Variants in PKHD1 observed in about 807,000 individuals in gnomAD.
The protein encoded by PKHD1 is fibrocystin.
PKHD1 carries 291 observed loss-of-function variants against 412.0 expected under a neutral mutation model. The ratio of observed to expected loss-of-function variants is 0.71; its 90% CI spans 0.64 to 0.78. The LOEUF is 0.78. PKHD1 is among the 30% of genes least tolerant of loss of function. PKHD1 has a pLI of 0.00. For synonymous variants in PKHD1, 1,777 were observed against 1,821.5 expected (o/e 0.98, Z 0.62); for missense variants, 4,825 against 4,950.7 (o/e 0.97, Z 0.76).
chr6:51,650,586 C>T (rs929971293), intron 61 of PKHD1, among the ~76,000 whole-genome samples: 1 of 152,006 alleles, frequency 6.6e-6, no homozygotes, highest in Admixed American at 6.6e-5. Context: ...GGGTGCATGT[C>T]AGGAAAAAGT....
chr6:51,927,148 C>T (rs750968982), intron 37 of PKHD1, among the ~76,000 whole-genome samples: 5 of 152,094 alleles, frequency 3.3e-5, no homozygotes, highest in Non-Finnish European at 7.4e-5. Context: ...ATCCTCCTTC[C>T]TTCCCAGTCC....
intron 35 of PKHD1, among the ~76,000 whole-genome samples, chr6:51,996,093 C>T (rs1797680089): frequency 6.6e-6 from 1 of 151,762 alleles, no homozygotes; most frequent in African/African-American, 2.4e-5. Context: ...GCAAGCTCCA[C>T]CTCCTGGGTT....
chr6:51,792,909 A>G (rs1479449819), intron 52 of PKHD1, among the ~76,000 whole-genome samples: 2 of 152,194 alleles, frequency 1.3e-5, no homozygotes, highest in Admixed American at 1.3e-4. Context: ...CAAATTATAT[A>G]CATACATTAT....
At chr6:51,965,207 A>G (rs1445738240) in intron 35 of PKHD1, among the ~76,000 whole-genome samples, 2 of 152,160 alleles carry the variant, frequency 1.3e-5, no homozygotes, top group Non-Finnish European at 2.9e-5. Context: ...TTAGAAAAAT[A>G]CAAATAGCCA....
At position 51,677,592 on chromosome 6, in the gene PKHD1, T is replaced by C. The variant is rs1360027104; in HGVS notation, c.10157-17623A>G. Among the ~76,000 whole-genome samples the C allele has an allele frequency of 2.6e-5, 4 of 152,246 alleles. No homozygotes were observed. The East Asian group carries it at 5.8e-4, about 22-fold the overall frequency. ...CCATGAGGACGCACTTCCAAATTAA[T>C]ACAAGAAAAACGGAAAACTACATAA... On this transcript the variant is annotated intron_variant, in intron 60 of 66. Transcript: ENST00000371117.
intron 60 of PKHD1, among the ~76,000 whole-genome samples, chr6:51,674,161 C>G (rs1775463077): frequency 6.6e-6 from 1 of 152,164 alleles, no homozygotes; most frequent in African/African-American, 2.4e-5. Context: ...ATGGGATGCT[C>G]TGGTATACTG....
At chr6:51,867,793 A>C (rs573515611) in intron 48 of PKHD1, 70 bp downstream of exon 48, 2 of 1,399,196 alleles carry the variant, frequency 1.4e-6, no homozygotes, top group Admixed American at 3.4e-5. Context: ...TCCCTTCTAT[A>C]AGCCTCGACA....
intron 64 of PKHD1, among the ~76,000 whole-genome samples, chr6:51,633,880 C>T (rs1190249006): frequency 6.6e-6 from 1 of 152,042 alleles, no homozygotes; most frequent in African/African-American, 2.4e-5. Flanking sequence ...TTTTAAAGTA[C>T]ATTCATTTTA....
intron 49 of PKHD1, among the ~76,000 whole-genome samples, chr6:51,853,576 A>G (rs894961242): frequency 1.3e-5 from 2 of 152,204 alleles, no homozygotes; most frequent in Non-Finnish European, 2.9e-5. Context: ...TCATAGGTTC[A>G]GTCTTTTTAT....
chr6:51,710,686 C>A (rs901674568), intron 60 of PKHD1, among the ~76,000 whole-genome samples: 4 of 152,088 alleles, frequency 2.6e-5, no homozygotes, highest in African/African-American at 9.6e-5. Flanking sequence ...AATATACACT[C>A]AATACTCAAT....
Position 52,056,914 on chromosome 6 carries a change from G to C in PKHD1, c.1578C>G (p.Ile526Met). ...CCAGATGGGCTGTGGCATTTGCAGGGATTGGCTGACTAGAGACATTGTCCC... is the reference window on the plus strand; with the variant it reads ...CCAGATGGGCTGTGGCATTTGCAGGCATTGGCTGACTAGAGACATTGTCCC... ...LTWDNVSSQP[I>M]PANATAHLIQ... Residue 526 changes from isoleucine to methionine, a missense_variant, in exon 17 of 67, where the codon ATC becomes ATG. Transcript: ENST00000371117. 1 of 1,613,730 alleles carries C rather than the reference G, an allele frequency of 6.2e-7. No individual in the cohort carries two copies. The highest frequency in any genetic ancestry group is 8.5e-7 in the Non-Finnish European group (1 of 1,179,654).
At chr6:51,841,947 A>AT (rs894888376) in intron 50 of PKHD1, among the ~76,000 whole-genome samples, 23 of 152,318 alleles carry the variant, frequency 1.5e-4, no homozygotes, top group African/African-American at 4.8e-4. Context: ...AGCACTCCTG[A>AT]TTTTTTAGGC....
chr6:51,659,316 G>C lies in PKHD1; in HGVS notation c.10810C>G (p.His3604Asp). 6.2e-7 allele frequency: 1 copy of C among 1,613,778 alleles called. No homozygotes were observed. Among genetic ancestry groups the C allele is most frequent in the Non-Finnish European group, 8.5e-7 (1 of 1,179,870 alleles). ...QIRFIHEMPGHEETLKAIADS... is the reference protein window; with the variant it reads ...QIRFIHEMPGDEETLKAIADS... ...GCAATGGCCTTTAAGGTCTCTTCAT[G>C]GCCAGGCATCTCGTGAATAAACCTG... is the stretch of plus-strand genomic sequence containing the variant. Residue 3604 changes from histidine to aspartate, a missense_variant, in exon 61 of 67, where the codon CAT (histidine) becomes GAT (aspartate). His to Asp is a moderately conservative substitution (Grantham distance 81, BLOSUM62 -1). Transcript: ENST00000371117.
At chr6:51,757,181 T>C (rs564374329) in intron 55 of PKHD1, among the ~76,000 whole-genome samples, 1 of 152,280 alleles carries the variant, frequency 6.6e-6, no homozygotes, top group South Asian at 2.1e-4. Flanking sequence ...ACAATCTTTT[T>C]ATTATTATTT....
Position 51,856,000 on chromosome 6 carries a change from A to G in PKHD1, c.7804T>C (p.Tyr2602His), listed in dbSNP as rs558537261. Residue 2602 changes from tyrosine to histidine, a missense_variant, in exon 49 of 67, where the codon TAT becomes CAT. Physicochemically the swap from Tyr to His is moderately conservative, Grantham distance 83 (BLOSUM62 2). Transcript: ENST00000371117. ...DSRNKTTTVN[Y>H]VRDTLSNPRG... Reference sequence around the variant, plus strand: ...GGGTTAGACAATGTATCACGTACATAATTGACAGTGGTTGTTTTATTTCTG... The same window carrying G: ...GGGTTAGACAATGTATCACGTACATGATTGACAGTGGTTGTTTTATTTCTG... 6.2e-7 allele frequency: 1 copy of G among 1,608,882 alleles called. No homozygotes were observed. Among genetic ancestry groups the G allele is most frequent in the South Asian group, 1.1e-5 (1 of 90,900 alleles).
At chr6:51,946,031 G>T (rs888687222) in intron 36 of PKHD1, among the ~76,000 whole-genome samples, 4 of 152,144 alleles carry the variant, frequency 2.6e-5, no homozygotes, top group Non-Finnish European at 5.9e-5. Context: ...TTCCAAAAAG[G>T]ATTTGAAACA....
chr6:51,660,639 A>G (rs1772683697), intron 60 of PKHD1, among the ~76,000 whole-genome samples: 1 of 152,106 alleles, frequency 6.6e-6, no homozygotes, highest in African/African-American at 2.4e-5. Context: ...TCAGGGAAAC[A>G]TTTACTTATG....
At chr6:51,997,925 C>T (rs1172584943) in intron 35 of PKHD1, among the ~76,000 whole-genome samples, 5 of 152,146 alleles carry the variant, frequency 3.3e-5, no homozygotes, top group Admixed American at 6.5e-5. Flanking sequence ...GAATGTAAAT[C>T]CAGTTCTGAT....
chr6:51,631,267 GAAAAACAAAAA>G (rs777918580), intron 65 of PKHD1, among the ~76,000 whole-genome samples: 27 of 152,090 alleles, frequency 1.8e-4, no homozygotes, highest in Admixed American at 7.2e-4. Flanking sequence ...CTTTAAGAAG[GAAAAACAAAAA>G]ACTGCAAATC....
Sources: gnomAD v4.1 joint callset for allele counts (sites outside exome capture counted in the v4.1 genomes callset) on GRCh38, gnomAD v4.1.1 for gene constraint, MANE v1.5 for transcripts, NCBI Gene and HGNC (gene_info 2026-07-23, HGNC 2026-07-21) for gene names.